ZNF585B: variants seen among roughly 807,000 people sequenced by gnomAD.
The protein encoded by ZNF585B is zinc finger protein 41-like protein.
ZNF585B carries 7 observed loss-of-function variants against 14.0 expected under a neutral mutation model. The ratio of observed to expected loss-of-function variants is 0.50; its 90% CI spans 0.28 to 0.94. ZNF585B has a LOEUF of 0.94. Ranked by LOEUF, ZNF585B falls within the 40% of genes least tolerant of loss-of-function variation. ZNF585B has a pLI of 0.09. For missense variants in ZNF585B, 750 were observed against 924.4 expected, an observed-to-expected ratio of 0.81 and a Z score of 2.45; for synonymous variants, 290 against 317.3, an observed-to-expected ratio of 0.91 and a Z score of 0.91.
intron 2 of ZNF585B, among the ~76,000 whole-genome samples, chr19:37,192,766 C>T (rs945973265): frequency 4.0e-5 from 6 of 151,774 alleles, no homozygotes; most frequent in African/African-American, 1.2e-4. Context: ...CCCAAGATTA[C>T]GCCACTGCAC....
rs1972325387 is a variant in ZNF585B, at chr19:37,185,663, T to C, written c.1874A>G (p.Gln625Arg). Residue 625 changes from glutamine (Q) to arginine (R), a missense_variant, in exon 5 of 5, where the codon CAG becomes CGG. Coordinates refer to ENST00000532828, the MANE Select transcript of ZNF585B (RefSeq NM_152279.4). ...GGGTTTCTCTCCTGTGTGAACTGGC[T>C]GATGCACCAGGAGCTGAGACTTGGA... ...FTSKSQLLVH[Q>R]PVHTGEKPYV... 5 of 1,613,592 alleles carry C rather than the reference T, an allele frequency of 3.1e-6. No individual in the cohort carries two copies. Among genetic ancestry groups the C allele is most frequent in the Non-Finnish European group, 3.4e-6 (4 of 1,179,792 alleles).
intron 2 of ZNF585B, among the ~76,000 whole-genome samples, chr19:37,192,740 G>A (rs893025109): frequency 6.6e-6 from 1 of 152,042 alleles, no homozygotes; most frequent in Admixed American, 6.6e-5. Flanking sequence ...AACCTGGGAG[G>A]TGGAGGTTGC....
chr19:37,189,920 G>A (rs1329754440), intron 3 of ZNF585B, 104 bp downstream of exon 3: 1 of 1,569,836 alleles, frequency 6.4e-7, no homozygotes, highest in Non-Finnish European at 8.6e-7. Context: ...GAGGAAAAAA[G>A]GACAAAACCA....
rs763162280 is a variant in ZNF585B at position 37,210,447 on chromosome 19, C to T, written c.-150G>A. 1 of 152,264 alleles carries T rather than the reference C, an allele frequency of 6.6e-6. No individual in the cohort carries two copies. Among genetic ancestry groups the T allele is most frequent in the Non-Finnish European group, 1.5e-5 (1 of 68,050 alleles). The allele number at this position is 152,264 out of a possible 1,614,324, so 9.4% of individuals were successfully genotyped here. A position where few individuals can be genotyped will look rare whatever the true frequency, so the allele number is the denominator to read the frequency against. The stretch of plus-strand genomic sequence containing the variant: ...ATCCCTAATTGCAACCAACCAAAAT[C>T]GTCACAGAGACCTCTCGGCATTAAA... On this transcript the variant is annotated 5_prime_UTR_variant, in exon 1 of 5. Transcript: ENST00000532828.
rs773363377 is a variant in ZNF585B, at chr19:37,185,903, G to T, written c.1634C>A (p.Thr545Asn). 1 of 1,614,098 alleles carries T rather than the reference G, an allele frequency of 6.2e-7. No homozygotes were observed. Among genetic ancestry groups the T allele is most frequent in the Non-Finnish European group, 8.5e-7 (1 of 1,180,034 alleles). The stretch of plus-strand genomic sequence containing the variant: ...GTGGCATTCATACTGTCTCTCTCCA[G>T]TGTGAATTTTCTGATGTATATTAAG... ...SNLNIHQKIH[T>N]GERQYECHEC... Residue 545 changes from threonine (T) to asparagine (N), a missense_variant, in exon 5 of 5, where the codon ACT becomes AAT. Coordinates refer to ENST00000532828, the MANE Select transcript of ZNF585B (RefSeq NM_152279.4).
At chr19:37,187,554 A>T (rs1034273196) in intron 4 of ZNF585B, among the ~76,000 whole-genome samples, 1 of 152,174 alleles carries the variant, frequency 6.6e-6, no homozygotes, top group African/African-American at 2.4e-5. Context: ...TCAGTCTGTC[A>T]CTGTTATTCT....
chr19:37,201,762 A>T (rs916542150), intron 2 of ZNF585B, among the ~76,000 whole-genome samples: 9 of 152,220 alleles, frequency 5.9e-5, no homozygotes, highest in Non-Finnish European at 1.2e-4. Flanking sequence ...GGTGGGAAAC[A>T]ATATGTTACT....
chr19:37,201,359 A>G (rs751388657), intron 2 of ZNF585B, among the ~76,000 whole-genome samples: 8 of 152,278 alleles, frequency 5.3e-5, no homozygotes, highest in Non-Finnish European at 1.0e-4. Context: ...AAACTATAGG[A>G]AAATAATAGC....
intron 4 of ZNF585B, among the ~76,000 whole-genome samples, chr19:37,187,684 G>A (rs1972354301): frequency 6.6e-6 from 1 of 151,922 alleles, no homozygotes; most frequent in Non-Finnish European, 1.5e-5. Context: ...ACTTTTTCAA[G>A]GGATAATAAG....
chr19:37,199,390 TGGCGCGTACCTG>T (rs1400993420), intron 2 of ZNF585B: 7 of 392,690 alleles, frequency 1.8e-5, no homozygotes, highest in Non-Finnish European at 3.0e-5. Context: ...CCAGTTCTAT[TGGCGCGTACCTG>T]TAGTCCCAGC....
intron 2 of ZNF585B, among the ~76,000 whole-genome samples, chr19:37,196,782 T>C (rs960083446): frequency 2.0e-5 from 3 of 152,188 alleles, no homozygotes; most frequent in Non-Finnish European, 4.4e-5. Context: ...ATTATAAAAA[T>C]ACAGAATATA....
At chr19:37,192,856 C>T (rs1568508721) in intron 2 of ZNF585B, among the ~76,000 whole-genome samples, 1 of 150,668 alleles carries the variant, frequency 6.6e-6, no homozygotes, top group Non-Finnish European at 1.5e-5. Flanking sequence ...ACAATGAGGG[C>T]CGGGCACAGT....
intron 2 of ZNF585B, among the ~76,000 whole-genome samples, chr19:37,205,276 TACTC>T (rs1972574230): frequency 6.6e-6 from 1 of 152,146 alleles, no homozygotes; most frequent in Admixed American, 6.6e-5. Flanking sequence ...ATTATTAAGA[TACTC>T]AATCCTAAAA....
chr19:37,193,344 G>A (rs894168873), intron 2 of ZNF585B, among the ~76,000 whole-genome samples: 4 of 151,610 alleles, frequency 2.6e-5, no homozygotes, highest in African/African-American at 4.8e-5. Flanking sequence ...AGTGGCGGGC[G>A]CCTGTAGTCC....
intron 2 of ZNF585B, among the ~76,000 whole-genome samples, chr19:37,197,677 C>G (rs1460587831): frequency 1.3e-5 from 2 of 152,196 alleles, no homozygotes; most frequent in African/African-American, 2.4e-5. Context: ...GCCATTCTAA[C>G]TGGCGTGAGA....
At chr19:37,202,656 T>A (rs1353018196) in intron 2 of ZNF585B, among the ~76,000 whole-genome samples, 1 of 151,646 alleles carries the variant, frequency 6.6e-6, no homozygotes, top group African/African-American at 2.4e-5. Context: ...TTTTTTTTTT[T>A]TTTGAGATGG....
chr19:37,197,247 T>C (rs1972477056), intron 2 of ZNF585B, among the ~76,000 whole-genome samples: 1 of 152,046 alleles, frequency 6.6e-6, no homozygotes. Context: ...TTTCTGTCCT[T>C]GTGATAGTTT....
At chr19:37,201,577 G>A (rs542098600) in intron 2 of ZNF585B, among the ~76,000 whole-genome samples, 1 of 152,206 alleles carries the variant, frequency 6.6e-6, no homozygotes, top group South Asian at 2.1e-4. Context: ...ATTCAGAAAT[G>A]TTAAACATAA....
At chr19:37,187,419 G>A (rs1209557647) in intron 4 of ZNF585B, among the ~76,000 whole-genome samples, 175 bp from the exon 5 acceptor site, 1 of 151,690 alleles carries the variant, frequency 6.6e-6, no homozygotes, top group Non-Finnish European at 1.5e-5. Context: ...AAATGTTTGG[G>A]TTCACATGAA....
Sources: allele counts gnomAD v4.1 joint callset (sites outside exome capture counted in the v4.1 genomes callset), GRCh38; gene constraint gnomAD v4.1.1; transcripts MANE v1.5; gene names NCBI Gene and HGNC (gene_info 2026-07-23, HGNC 2026-07-21).